Variants in ATE1 observed in about 807,000 individuals in gnomAD.
ATE1 encodes the protein arginyltransferase 1.
ATE1 carries 36 observed loss-of-function variants against 70.5 expected under a neutral mutation model. That is an observed-to-expected ratio of 0.51 (90% CI 0.39 to 0.67). The LOEUF is 0.67. ATE1 is among the 30% of genes least tolerant of loss of function. The pLI is 0.00. For missense variants in ATE1, 593 were observed against 629.5 expected, an observed-to-expected ratio of 0.94 and a Z score of 0.62; for synonymous variants, 232 against 219.3, an observed-to-expected ratio of 1.06 and a Z score of -0.51.
intron 11 of ATE1, among the ~76,000 whole-genome samples, chr10:121,770,707 G>A (rs865954159): frequency 1.4e-5 from 2 of 147,026 alleles, no homozygotes; most frequent in African/African-American, 2.5e-5. Flanking sequence ...CAAGATAAGT[G>A]GGGGATTTAT....
intron 10 of ATE1, among the ~76,000 whole-genome samples, chr10:121,807,540 A>C (rs1228871883): frequency 1.3e-5 from 2 of 152,200 alleles, no homozygotes; most frequent in Non-Finnish European, 2.9e-5. Context: ...ATTATAGCTG[A>C]TCTTTGTGAT....
intron 8 of ATE1, among the ~76,000 whole-genome samples, chr10:121,865,253 G>A (rs1949622752): frequency 6.6e-6 from 1 of 152,130 alleles, no homozygotes; most frequent in African/African-American, 2.4e-5. Flanking sequence ...CACCAGAGGT[G>A]CTAACTTATC....
At chr10:121,831,956 T>C (rs1322403880) in intron 10 of ATE1, among the ~76,000 whole-genome samples, 1 of 152,208 alleles carries the variant, frequency 6.6e-6, no homozygotes, top group Non-Finnish European at 1.5e-5. Flanking sequence ...CCATAAATTA[T>C]TCTGAATTGC....
intron 11 of ATE1, among the ~76,000 whole-genome samples, chr10:121,765,406 T>C (rs1945238014): frequency 6.6e-6 from 1 of 152,224 alleles, no homozygotes; most frequent in African/African-American, 2.4e-5. Context: ...TGGCTACATA[T>C]TCAAATCGTG....
chr10:121,908,477 G>A (rs912416916), intron 5 of ATE1, among the ~76,000 whole-genome samples: 4 of 152,126 alleles, frequency 2.6e-5, no homozygotes, highest in Non-Finnish European at 5.9e-5. Flanking sequence ...GCACTCCAGC[G>A]TAGGCGACAG....
At chr10:121,817,909 C>A (rs565038142) in intron 10 of ATE1, among the ~76,000 whole-genome samples, 1 of 152,144 alleles carries the variant, frequency 6.6e-6, no homozygotes, top group Non-Finnish European at 1.5e-5. Context: ...TAAGATTATC[C>A]CACATAAAAC....
chr10:121,848,880 C>A (rs999690919), intron 8 of ATE1, among the ~76,000 whole-genome samples: 1 of 151,646 alleles, frequency 6.6e-6, no homozygotes, highest in African/African-American at 2.4e-5. Context: ...CACTGCACTC[C>A]AGCCTGGGTG....
At chr10:121,813,542 T>C (rs917141193) in intron 10 of ATE1, among the ~76,000 whole-genome samples, 4 of 152,190 alleles carry the variant, frequency 2.6e-5, no homozygotes, top group Non-Finnish European at 5.9e-5. Context: ...CACATACTCA[T>C]GTTAGAGGGA....
intron 7 of ATE1, among the ~76,000 whole-genome samples, chr10:121,878,044 T>C (rs578025938): frequency 6.6e-6 from 1 of 152,346 alleles, no homozygotes; most frequent in African/African-American, 2.4e-5. Context: ...GAATACTACA[T>C]AGCATTGAAA....
chr10:121,892,900 C>T lies in ATE1; in HGVS notation c.942+6966G>A, dbSNP rs562969159. 5.3e-5 allele frequency among the ~76,000 whole-genome samples: 8 copies of T among 152,298 alleles called. No homozygotes were observed. The East Asian group carries it at 7.7e-4, about 15-fold the overall frequency. On this transcript the variant is annotated intron_variant, in intron 7 of 11. Coordinates refer to ENST00000224652, the MANE Select transcript of ATE1 (RefSeq NM_001001976.3). ...GACATCCAGGGTGACTGTGCATATG[C>T]CCCAGGCTGAGCCCTCTAGGGCGTG...
At chr10:121,907,841 A>G (rs372380682) in intron 5 of ATE1, among the ~76,000 whole-genome samples, 16 of 152,274 alleles carry the variant, frequency 1.1e-4, no homozygotes, top group Admixed American at 6.5e-4. Context: ...TCATAACCTC[A>G]TAAGTCTATT....
chr10:121,756,383 T>A (rs1216630927), intron 11 of ATE1, among the ~76,000 whole-genome samples: 3 of 152,282 alleles, frequency 2.0e-5, no homozygotes, highest in East Asian at 1.9e-4. Context: ...TGTTGGTAGA[T>A]CTGCCATTCT....
intron 1 of ATE1, chr10:121,927,264 T>G: frequency 1.0e-6 from 1 of 985,078 alleles, no homozygotes; most frequent in Non-Finnish European, 1.2e-6. Flanking sequence ...GGTAAAAATT[T>G]CAAACAGATC....
intron 8 of ATE1, among the ~76,000 whole-genome samples, chr10:121,867,598 A>C (rs1303962315): frequency 6.6e-6 from 1 of 152,166 alleles, no homozygotes; most frequent in Non-Finnish European, 1.5e-5. Flanking sequence ...ATTACCAAAA[A>C]GCTACCAATG....
chr10:121,854,120 G>C (rs1331192263), intron 8 of ATE1, among the ~76,000 whole-genome samples: 1 of 152,086 alleles, frequency 6.6e-6, no homozygotes, highest in East Asian at 1.9e-4. Context: ...ATTTTCTATT[G>C]ACTGGGTTAT....
rs1247677637 is a variant in ATE1 at position 121,899,998 on chromosome 10, C to T, written c.814-4G>A. ...GAGATGATCTCACCACCCTCACCTT[C>T]AGAAGCAGTTAAAAAAACAAGTTTA... On this transcript the variant is annotated splice_polypyrimidine_tract_variant and splice_region_variant and intron_variant, in intron 6 of 11. Transcript: ENST00000224652. 6.2e-7 allele frequency: 1 copy of T among 1,611,624 alleles called. No individual in the cohort carries two copies. Among genetic ancestry groups the T allele is most frequent in the African/African-American group, 1.3e-5 (1 of 74,952 alleles).
intron 10 of ATE1, among the ~76,000 whole-genome samples, chr10:121,830,327 A>C (rs1948188706): frequency 6.6e-6 from 1 of 151,966 alleles, no homozygotes; most frequent in African/African-American, 2.4e-5. Flanking sequence ...GTAGGTTCTC[A>C]CTCTCATGGG....
At chr10:121,855,729 A>G (rs1949224041) in intron 8 of ATE1, among the ~76,000 whole-genome samples, 1 of 152,222 alleles carries the variant, frequency 6.6e-6, no homozygotes, top group African/African-American at 2.4e-5. Flanking sequence ...CCAAATTCAC[A>G]GAAACTAAAG....
At chr10:121,748,400 T>A (rs1944449702) in intron 11 of ATE1, among the ~76,000 whole-genome samples, 1 of 152,224 alleles carries the variant, frequency 6.6e-6, no homozygotes, top group Non-Finnish European at 1.5e-5. Flanking sequence ...GAAATTTTGT[T>A]TCATTTGTCA....
Sources: gnomAD v4.1 joint callset for allele counts (sites outside exome capture counted in the v4.1 genomes callset) on GRCh38, gnomAD v4.1.1 for gene constraint, MANE v1.5 for transcripts, NCBI Gene and HGNC (gene_info 2026-07-23, HGNC 2026-07-21) for gene names.